Variants in BPIFB1 observed in about 807,000 individuals in gnomAD.
BPIFB1 encodes BPI fold containing family B member 1, also known as BPI fold-containing family B member 1.
Under a neutral mutation model 55.1 loss-of-function variants are expected in BPIFB1, and 34 were observed. The observed-to-expected ratio is 0.62, with a 90% confidence interval of 0.47 to 0.82. The LOEUF (loss-of-function observed/expected upper bound fraction) is 0.82. Ranked by LOEUF, BPIFB1 falls within the 40% of genes least tolerant of loss-of-function variation. The pLI is 0.00. For synonymous variants in BPIFB1, 236 were observed against 245.3 expected, an observed-to-expected ratio of 0.96 and a Z score of 0.35; for missense variants, 532 against 593.1, an observed-to-expected ratio of 0.90 and a Z score of 1.07.
At position 33,286,205 on chromosome 20, in the gene BPIFB1, C is replaced by G; in HGVS notation, c.115+17C>G. On this transcript the variant is annotated intron_variant, in intron 2 of 15. Coordinates refer to ENST00000253354, the MANE Select transcript of BPIFB1 (RefSeq NM_033197.3). ...TCAAAGAAAGTAAGTTTTGTCCCTCCGGAGCTGGCTGCCATAAGACAAGGG... is the reference window on the plus strand; with the variant it reads ...TCAAAGAAAGTAAGTTTTGTCCCTCGGGAGCTGGCTGCCATAAGACAAGGG... The G allele has an allele frequency of 6.2e-7, 1 of 1,610,546 alleles. No homozygotes were observed. Among genetic ancestry groups the G allele is most frequent in the Non-Finnish European group, 8.5e-7 (1 of 1,176,832 alleles).
intron 5 of BPIFB1, among the ~76,000 whole-genome samples, chr20:33,291,510 G>A (rs925034913): frequency 1.3e-5 from 2 of 152,194 alleles, no homozygotes; most frequent in South Asian, 2.1e-4. Context: ...TTCCTCACCC[G>A]TAAAGTGCAG....
intron 12 of BPIFB1, among the ~76,000 whole-genome samples, chr20:33,304,303 C>A (rs937785380): frequency 3.3e-5 from 5 of 152,202 alleles, no homozygotes; most frequent in African/African-American, 1.2e-4. Flanking sequence ...AGTCACCCGG[C>A]ACAGAAGTGC....
In BPIFB1 at chr20:33,306,038, C is replaced by T; in HGVS notation, c.1291C>T (p.His431Tyr). Residue 431 changes from histidine to tyrosine, a missense_variant, in exon 14 of 16, where the codon CAC (histidine) becomes TAC (tyrosine). His to Tyr is a moderately conservative substitution (Grantham distance 83). Transcript: ENST00000253354. ...VLKNIITEII[H>Y]SILLPNQNGK... is the part of the protein sequence containing the mutation. Reference sequence around the variant, plus strand: ...GAAAAACATCATCACTGAGATCATCCACTCCATCCTGCTGCCGAACCAGAA... The same window carrying T: ...GAAAAACATCATCACTGAGATCATCTACTCCATCCTGCTGCCGAACCAGAA... 6.2e-7 allele frequency: 1 copy of T among 1,614,136 alleles called. No homozygotes were observed. The highest frequency in any genetic ancestry group is 8.5e-7 in the Non-Finnish European group (1 of 1,180,018).
chr20:33,292,557 G>T (rs767426247), intron 6 of BPIFB1, among the ~76,000 whole-genome samples: 31 of 152,084 alleles, frequency 2.0e-4, no homozygotes, highest in Non-Finnish European at 3.8e-4. Context: ...AACAATGTCT[G>T]GGCTTAGCAC....
chr20:33,290,169 G>C (rs1382299787), intron 4 of BPIFB1, among the ~76,000 whole-genome samples, 177 bp downstream of exon 4: 1 of 152,204 alleles, frequency 6.6e-6, no homozygotes, highest in African/African-American at 2.4e-5. Context: ...CAAAGACAGG[G>C]GAAAGAGAGA....
At chr20:33,295,093 T>C (rs1199338188) in intron 6 of BPIFB1, among the ~76,000 whole-genome samples, 1 of 151,840 alleles carries the variant, frequency 6.6e-6, no homozygotes, top group Non-Finnish European at 1.5e-5. Context: ...CGCACACCTG[T>C]AATCCTAACT....
chr20:33,290,918 T>C, intron 4 of BPIFB1, 39 bp from the exon 5 acceptor site: 2 of 1,604,616 alleles, frequency 1.2e-6, no homozygotes, highest in Non-Finnish European at 1.7e-6. Flanking sequence ...AGCCCGAGCT[T>C]GCCTGGTGCT....
chr20:33,300,053 A>AG, intron 8 of BPIFB1, 69 bp downstream of exon 8: 2 of 1,351,892 alleles, frequency 1.5e-6, no homozygotes, highest in South Asian at 1.2e-5. Flanking sequence ...CAGGAGTCAG[A>AG]TAGCATGGGC....
Position 33,304,873 on chromosome 20 carries a change from T to C in BPIFB1, c.1236T>C (p.Ser412=). 5 of 1,614,176 alleles carry C rather than the reference T, an allele frequency of 3.1e-6. No homozygotes were observed. The highest frequency in any genetic ancestry group is 4.2e-6 in the Non-Finnish European group (5 of 1,180,004). ...ISSDRIQLMN[S]GIGWFQPDVL... Reference sequence around the variant, plus strand: ...CTGATCGGATCCAGCTGATGAACTCTGGGATTGGCTGGTTCCAAGTAAGTG... The same window carrying C: ...CTGATCGGATCCAGCTGATGAACTCCGGGATTGGCTGGTTCCAAGTAAGTG... Residue 412 remains serine (S), a synonymous_variant, in exon 13 of 16, where the codon TCT becomes TCC. Coordinates refer to ENST00000253354, the MANE Select transcript of BPIFB1 (RefSeq NM_033197.3).
At chr20:33,302,594 T>C in intron 10 of BPIFB1, 182 bp downstream of exon 10, 1 of 693,260 alleles carries the variant, frequency 1.4e-6, no homozygotes, top group Non-Finnish European at 2.6e-6. Flanking sequence ...AATCATCACA[T>C]GGATAGTATT....
intron 2 of BPIFB1, 49 bp from the exon 3 acceptor site, chr20:33,288,688 GCCTT>G: frequency 6.3e-7 from 1 of 1,591,856 alleles, no homozygotes; most frequent in Non-Finnish European, 8.6e-7. Flanking sequence ...CTCCCACCAA[GCCTT>G]CCTTCTTGCC....
At chr20:33,289,400 A>C (rs375319174) in intron 3 of BPIFB1, among the ~76,000 whole-genome samples, 20 of 151,292 alleles carry the variant, frequency 1.3e-4, no homozygotes, top group East Asian at 5.8e-4. Flanking sequence ...AAAAACAAAA[A>C]AAAAAAAACA....
At chr20:33,299,836 C>T in intron 7 of BPIFB1, 63 bp from the exon 8 acceptor site, 1 of 1,396,546 alleles carries the variant, frequency 7.2e-7, no homozygotes, top group South Asian at 1.2e-5. Flanking sequence ...GAAGCAGCCC[C>T]CCAACTTCCC....
At chr20:33,306,801 T>C in intron 14 of BPIFB1, 110 bp from the exon 15 acceptor site, 1 of 871,816 alleles carries the variant, frequency 1.1e-6, no homozygotes, top group Non-Finnish European at 2.0e-6. Flanking sequence ...GAGGGGGCTG[T>C]CTGATCAGGC....
At chr20:33,303,472 G>GC (rs1251961329) in intron 11 of BPIFB1, among the ~76,000 whole-genome samples, 2 of 152,052 alleles carry the variant, frequency 1.3e-5, no homozygotes, top group Non-Finnish European at 2.9e-5. Flanking sequence ...TCATGGTAGT[G>GC]CCCCAGGCTG....
At chr20:33,290,119 G>A in intron 4 of BPIFB1, 127 bp downstream of exon 4, 1 of 713,842 alleles carries the variant, frequency 1.4e-6, no homozygotes, top group South Asian at 1.7e-5. Flanking sequence ...AAGTGCAGAG[G>A]CCCTGTGGCA....
At chr20:33,293,824 C>T (rs768121077) in intron 6 of BPIFB1, among the ~76,000 whole-genome samples, 37 of 151,828 alleles carry the variant, frequency 2.4e-4, no homozygotes, top group Non-Finnish European at 4.4e-4. Flanking sequence ...CTAGGCATGA[C>T]GGCAAGACTC....
chr20:33,302,521 AC>A (rs1330948942), intron 10 of BPIFB1, 109 bp downstream of exon 10: 1 of 1,222,564 alleles, frequency 8.2e-7, no homozygotes, highest in Admixed American at 1.8e-5. Flanking sequence ...GCACTGGGAC[AC>A]TCAAACCGCA....
intron 8 of BPIFB1, among the ~76,000 whole-genome samples, chr20:33,300,935 G>A (rs981930929): frequency 2.6e-5 from 4 of 152,026 alleles, no homozygotes; most frequent in African/African-American, 7.2e-5. Context: ...GCATCAAATC[G>A]TTTCTTCCAT....
Sources: gnomAD v4.1 joint callset for allele counts (sites outside exome capture counted in the v4.1 genomes callset) on GRCh38, gnomAD v4.1.1 for gene constraint, MANE v1.5 for transcripts, NCBI Gene and HGNC (gene_info 2026-07-23, HGNC 2026-07-21) for gene names.